MAD1L1: variants seen among roughly 807,000 people sequenced by gnomAD.
MAD1L1 encodes the protein mitotic arrest deficient 1 like 1.
A neutral mutation model predicts 96.9 loss-of-function variants in MAD1L1; 95 were observed. The ratio of observed to expected loss-of-function variants is 0.98; its 90% CI spans 0.83 to 1.16. The LOEUF is 1.16. MAD1L1 is among the 50% of genes most tolerant of loss of function. The pLI is 0.00. For missense variants in MAD1L1, 1,007 were observed against 954.4 expected (o/e 1.06, Z -0.73); for synonymous variants, 473 against 396.6 (o/e 1.19, Z -2.29).
intron 12 of MAD1L1, among the ~76,000 whole-genome samples, chr7:2,052,683 T>A (rs975968008): frequency 6.6e-6 from 1 of 152,230 alleles, no homozygotes; most frequent in African/African-American, 2.4e-5. Context: ...CACGTATCAG[T>A]GTGCAAATTC....
chr7:1,946,399 G>C (rs547332671), intron 16 of MAD1L1, among the ~76,000 whole-genome samples: 1 of 152,258 alleles, frequency 6.6e-6, no homozygotes, highest in Non-Finnish European at 1.5e-5. Flanking sequence ...GAGCAACCTT[G>C]CTGGAATCGG....
chr7:1,921,117 C>T (rs964681645), intron 17 of MAD1L1, among the ~76,000 whole-genome samples: 3 of 152,148 alleles, frequency 2.0e-5, no homozygotes, highest in Non-Finnish European at 2.9e-5. Context: ...CTGCCTGGAC[C>T]GGAGCCTGCA....
At chr7:2,024,554 G>A (rs1782920641) in intron 12 of MAD1L1, among the ~76,000 whole-genome samples, 1 of 152,192 alleles carries the variant, frequency 6.6e-6, no homozygotes, top group South Asian at 2.1e-4. Context: ...ACCCCTCCCT[G>A]TAGACATACT....
At chr7:2,038,709 T>C (rs1382255474) in intron 12 of MAD1L1, among the ~76,000 whole-genome samples, 1 of 146,516 alleles carries the variant, frequency 6.8e-6, no homozygotes, top group Non-Finnish European at 1.5e-5. Context: ...AGACAGGGTT[T>C]CACCATGCTG....
chr7:2,116,271 G>A (rs749871), intron 11 of MAD1L1, among the ~76,000 whole-genome samples: 16 of 152,340 alleles, frequency 1.1e-4, no homozygotes, highest in Admixed American at 3.9e-4. Context: ...AGGCGGCTGT[G>A]TGTGTGCCAA....
chr7:1,874,446 C>T (rs936320736), intron 18 of MAD1L1: 11 of 442,110 alleles, frequency 2.5e-5, no homozygotes, highest in South Asian at 1.6e-4. Context: ...CCGCCGTGGC[C>T]AGGGTGAGGC....
At chr7:2,008,954 G>A (rs1392718077) in intron 13 of MAD1L1, among the ~76,000 whole-genome samples, 3 of 152,218 alleles carry the variant, frequency 2.0e-5, no homozygotes, top group Non-Finnish European at 2.9e-5. Context: ...TGAGGGGTGC[G>A]GAGGCTGTGG....
intron 17 of MAD1L1, among the ~76,000 whole-genome samples, chr7:1,919,012 CAG>C (rs1788601738): frequency 6.6e-6 from 1 of 152,264 alleles, no homozygotes; most frequent in African/African-American, 2.4e-5. Context: ...GCCAGCAGGG[CAG>C]TTCCCTCCGG....
intron 16 of MAD1L1, among the ~76,000 whole-genome samples, chr7:1,939,845 G>C (rs1213645922): frequency 3.3e-5 from 5 of 152,226 alleles, no homozygotes; most frequent in Admixed American, 2.6e-4. Flanking sequence ...GGCCTGGCTT[G>C]GGCTGTACCC....
chr7:2,085,486 G>C (rs1431464866), intron 11 of MAD1L1, among the ~76,000 whole-genome samples: 1 of 152,242 alleles, frequency 6.6e-6, no homozygotes, highest in Non-Finnish European at 1.5e-5. Context: ...TGCCCACAGT[G>C]AGCACATGAG....
intron 12 of MAD1L1, among the ~76,000 whole-genome samples, chr7:2,023,532 C>A (rs1207975551): frequency 6.6e-6 from 1 of 151,840 alleles, no homozygotes; most frequent in Non-Finnish European, 1.5e-5. Flanking sequence ...AAAAGCCATG[C>A]TTAGAGGAAA....
chr7:2,003,769 T>C (rs1160041869), intron 13 of MAD1L1, among the ~76,000 whole-genome samples: 1 of 152,102 alleles, frequency 6.6e-6, no homozygotes, highest in Non-Finnish European at 1.5e-5. Flanking sequence ...GGAGCCAGCC[T>C]AGCCACTGTC....
chr7:2,139,541 A>G (rs974589049), intron 11 of MAD1L1, among the ~76,000 whole-genome samples: 2 of 152,210 alleles, frequency 1.3e-5, no homozygotes, highest in Admixed American at 1.3e-4. Flanking sequence ...GGAAAATACA[A>G]CACTCATGCT....
intron 17 of MAD1L1, among the ~76,000 whole-genome samples, chr7:1,908,409 T>A (rs1311290889): frequency 6.6e-6 from 1 of 152,114 alleles, no homozygotes; most frequent in Admixed American, 6.5e-5. Flanking sequence ...TGAGACAGGG[T>A]CTCACTCTGT....
At chr7:1,997,700 C>A (rs565030120) in intron 14 of MAD1L1, among the ~76,000 whole-genome samples, 1 of 152,360 alleles carries the variant, frequency 6.6e-6, no homozygotes, top group South Asian at 2.1e-4. Context: ...GCTGCACAGC[C>A]CAGTGCGGTG....
At chr7:2,216,588 G>A (rs972720350) in intron 7 of MAD1L1, among the ~76,000 whole-genome samples, 1 of 152,102 alleles carries the variant, frequency 6.6e-6, no homozygotes, top group Non-Finnish European at 1.5e-5. Flanking sequence ...CACTCCAAGA[G>A]TGACCCTCGC....
intron 15 of MAD1L1, 78 bp downstream of exon 15, chr7:1,980,375 C>T (rs1333734177): frequency 8.4e-7 from 1 of 1,185,120 alleles, no homozygotes. Flanking sequence ...TCCTCCCCCG[C>T]AGGACACACC....
At chr7:2,175,756 C>T (rs1790920310) in intron 10 of MAD1L1, among the ~76,000 whole-genome samples, 1 of 152,184 alleles carries the variant, frequency 6.6e-6, no homozygotes, top group Non-Finnish European at 1.5e-5. Flanking sequence ...GCTCATCCTC[C>T]TCCTGAAGCC....
intron 11 of MAD1L1, among the ~76,000 whole-genome samples, chr7:2,118,499 C>T (rs1032622613): frequency 1.3e-5 from 2 of 152,232 alleles, no homozygotes; most frequent in African/African-American, 2.4e-5. Flanking sequence ...GCCCAGCATC[C>T]GTAGTGCGTG....
Sources: gnomAD v4.1 joint callset for allele counts (sites outside exome capture counted in the v4.1 genomes callset) on GRCh38, gnomAD v4.1.1 for gene constraint, MANE v1.5 for transcripts, NCBI Gene and HGNC (gene_info 2026-07-23, HGNC 2026-07-21) for gene names.